TUSC3: variants seen among roughly 807,000 people sequenced by gnomAD.
TUSC3 encodes dolichyl-diphosphooligosaccharide--protein glycosyltransferase subunit TUSC3.
TUSC3 carries 45 observed loss-of-function variants against 44.8 expected under a neutral mutation model. The observed-to-expected ratio is 1.00, with a 90% CI of 0.79 to 1.29. TUSC3 has a LOEUF of 1.29. TUSC3 is among the 50% of genes most tolerant of loss of function. The pLI is 0.00. For synonymous variants in TUSC3, 212 were observed against 152.9 expected (o/e 1.39, Z -2.85); for missense variants, 519 against 437.9 (o/e 1.19, Z -1.65).
intron 2 of TUSC3, among the ~76,000 whole-genome samples, chr8:15,518,765 T>C (rs1037817165): frequency 2.0e-5 from 3 of 152,160 alleles, no homozygotes; most frequent in African/African-American, 7.2e-5. Flanking sequence ...TAAAGGAGCA[T>C]TTAAAGTTAG....
At chr8:15,591,769 G>A (rs1177941561) in intron 1 of TUSC3, among the ~76,000 whole-genome samples, 1 of 152,158 alleles carries the variant, frequency 6.6e-6, no homozygotes, top group Non-Finnish European at 1.5e-5. Context: ...CAAGGGGAAA[G>A]TGGTTATAAT....
intron 7 of TUSC3, among the ~76,000 whole-genome samples, chr8:15,741,252 A>G (rs1811184349): frequency 6.6e-6 from 1 of 152,164 alleles, no homozygotes; most frequent in African/African-American, 2.4e-5. Context: ...TTTATTTTGT[A>G]GGCTTTATTT....
chr8:15,759,017 C>G (rs1812054011), intron 10 of TUSC3, among the ~76,000 whole-genome samples: 1 of 152,114 alleles, frequency 6.6e-6, no homozygotes, highest in African/African-American at 2.4e-5. Flanking sequence ...GGACTTTTGG[C>G]TAAAGAATTC....
intron 6 of TUSC3, among the ~76,000 whole-genome samples, chr8:15,725,611 G>A (rs1483195816): frequency 6.6e-6 from 1 of 152,016 alleles, no homozygotes; most frequent in African/African-American, 2.4e-5. Flanking sequence ...GACTGATGAT[G>A]ATGATGATGA....
At chr8:15,706,827 C>T (rs1450067439) in intron 6 of TUSC3, among the ~76,000 whole-genome samples, 1 of 151,884 alleles carries the variant, frequency 6.6e-6, no homozygotes, top group African/African-American at 2.4e-5. Flanking sequence ...TGTAGAGAAG[C>T]ATGTATTTCA....
chr8:15,424,686 C>G (rs182523891), intron 1 of TUSC3, among the ~76,000 whole-genome samples: 7 of 152,174 alleles, frequency 4.6e-5, no homozygotes, highest in Non-Finnish European at 8.8e-5. Context: ...CGAGACTATC[C>G]TGGCTAACAC....
chr8:15,514,668 A>G (rs551435611), intron 2 of TUSC3, among the ~76,000 whole-genome samples: 3 of 152,340 alleles, frequency 2.0e-5, no homozygotes, highest in East Asian at 3.9e-4. Flanking sequence ...TAATGAAACT[A>G]TCTTTACAAT....
At chr8:15,536,929 T>G (rs150404414), upstream of TUSC3, among the ~76,000 whole-genome samples, 95 of 152,112 alleles carry the variant, frequency 6.2e-4, no homozygotes, top group African/African-American at 2.2e-3. Context: ...TCATTCTGAC[T>G]CTGGCATAAT....
At chr8:15,495,811 C>T (rs1800873200) in intron 2 of TUSC3, among the ~76,000 whole-genome samples, 1 of 152,234 alleles carries the variant, frequency 6.6e-6, no homozygotes, top group African/African-American at 2.4e-5. Context: ...GGAGAAATTG[C>T]ACTCAGACTT....
chr8:15,850,255 TC>T, the TUSC3 span, among the ~76,000 whole-genome samples: 438 of 152,282 alleles, frequency 2.9e-3, 1 homozygote, highest in Admixed American at 5.3e-3. Context: ...AACATTAGTA[TC>T]CATATAAAAG....
At chr8:15,451,455 G>A (rs1800196280) in intron 1 of TUSC3, among the ~76,000 whole-genome samples, 1 of 152,084 alleles carries the variant, frequency 6.6e-6, no homozygotes, top group Non-Finnish European at 1.5e-5. Context: ...AACCAATCAT[G>A]GCTACATAAT....
intron 6 of TUSC3, among the ~76,000 whole-genome samples, chr8:15,692,370 CCTT>C (rs1808945470): frequency 2.5e-5 from 1 of 39,230 alleles, no homozygotes. Context: ...CCCCCCCCCC[CCTT>C]TGTTTTTTTT....
chr8:15,594,610 A>G (rs1180326305), intron 1 of TUSC3, among the ~76,000 whole-genome samples: 2 of 152,144 alleles, frequency 1.3e-5, no homozygotes, highest in Non-Finnish European at 2.9e-5. Context: ...CAGTGTAGGG[A>G]TAATTATTCC....
chr8:15,751,562 T>C (rs1480096294), intron 9 of TUSC3, among the ~76,000 whole-genome samples: 1 of 152,176 alleles, frequency 6.6e-6, no homozygotes, highest in Non-Finnish European at 1.5e-5. Flanking sequence ...GGGCGTCTGA[T>C]TTAAGTAGAA....
chr8:15,467,279 A>G (rs1372760810), intron 1 of TUSC3, among the ~76,000 whole-genome samples: 3 of 125,992 alleles, frequency 2.4e-5, no homozygotes, highest in African/African-American at 9.8e-5. Context: ...TCTTTAGCCA[A>G]AAAAAAAAAA....
At chr8:15,619,364 A>G (rs190798527) in intron 1 of TUSC3, among the ~76,000 whole-genome samples, 41 of 152,346 alleles carry the variant, frequency 2.7e-4, no homozygotes, top group African/African-American at 9.9e-4. Flanking sequence ...TTAAAGTGCT[A>G]CTTTTCTCAT....
At chr8:15,763,204 C>T (rs577349009) in intron 10 of TUSC3, among the ~76,000 whole-genome samples, 2 of 151,858 alleles carry the variant, frequency 1.3e-5, no homozygotes, top group African/African-American at 4.8e-5. Flanking sequence ...CACATAGTAT[C>T]ACCAGAATCC....
intron 1 of TUSC3, among the ~76,000 whole-genome samples, chr8:15,436,572 C>T (rs1470835755): frequency 6.6e-6 from 1 of 152,108 alleles, no homozygotes; most frequent in Admixed American, 6.5e-5. Context: ...TTCATATAAA[C>T]CGTATGGAGT....
chr8:15,480,105 A>G (rs1800638167), intron 1 of TUSC3, among the ~76,000 whole-genome samples: 1 of 152,144 alleles, frequency 6.6e-6, no homozygotes, highest in Non-Finnish European at 1.5e-5. Context: ...AAAGTGAAGG[A>G]CCTCTTCAAA....
Sources: gnomAD v4.1 joint callset for allele counts (sites outside exome capture counted in the v4.1 genomes callset) on GRCh38, gnomAD v4.1.1 for gene constraint, MANE v1.5 for transcripts, NCBI Gene and HGNC (gene_info 2026-07-23, HGNC 2026-07-21) for gene names.